TMEFF1: variants seen among roughly 807,000 people sequenced by gnomAD.
The protein encoded by TMEFF1 is tomoregulin-1.
A neutral mutation model predicts 47.5 loss-of-function variants in TMEFF1; 20 were observed. That is an observed-to-expected ratio of 0.42 (90% confidence interval 0.30 to 0.61). The LOEUF (loss-of-function observed/expected upper bound fraction) is 0.61. Ranked by LOEUF, TMEFF1 falls within the 20% of genes least tolerant of loss-of-function variation. The pLI, the probability that TMEFF1 is intolerant of heterozygous loss-of-function variation, is 0.19. For synonymous variants in TMEFF1, 162 were observed against 166.3 expected, an observed-to-expected ratio of 0.97 and a Z score of 0.20; for missense variants, 411 against 471.1, an observed-to-expected ratio of 0.87 and a Z score of 1.18.
chr9:100,476,063 T>C (rs73655578), intron 1 of TMEFF1, among the ~76,000 whole-genome samples: 81 of 152,290 alleles, frequency 5.3e-4, no homozygotes, highest in African/African-American at 1.9e-3. Flanking sequence ...TAGTAATATC[T>C]GAGTCTTCTT....
At chr9:100,539,776 T>C (rs1838592342) in intron 5 of TMEFF1, among the ~76,000 whole-genome samples, 1 of 152,146 alleles carries the variant, frequency 6.6e-6, no homozygotes, top group African/African-American at 2.4e-5. Flanking sequence ...TTTATTCCCT[T>C]ATCTGACCCC....
intron 7 of TMEFF1, 103 bp downstream of exon 7, chr9:100,550,263 T>C (rs1257462321): frequency 8.6e-7 from 1 of 1,157,106 alleles, no homozygotes; most frequent in Non-Finnish European, 1.2e-6. Flanking sequence ...CTAACTTTGC[T>C]CTCTATAGTA....
intron 5 of TMEFF1, among the ~76,000 whole-genome samples, chr9:100,543,704 A>AAAAC (rs1038685574): frequency 6.8e-4 from 94 of 138,934 alleles, no homozygotes; most frequent in Middle Eastern, 3.6e-3. Context: ...GATGAAGTAA[A>AAAAC]ACACACACAC....
At chr9:100,542,394 A>T (rs1452761721) in intron 5 of TMEFF1, among the ~76,000 whole-genome samples, 1 of 152,166 alleles carries the variant, frequency 6.6e-6, no homozygotes, top group East Asian at 1.9e-4. Context: ...TCGTATTTGC[A>T]TCTCAGACTT....
intron 5 of TMEFF1, among the ~76,000 whole-genome samples, chr9:100,544,087 G>GATATATATATAT (rs35750255): frequency 8.2e-5 from 12 of 147,226 alleles, no homozygotes; most frequent in African/African-American, 2.7e-4. Flanking sequence ...CCTTCATGCT[G>GATATATATATAT]ATATATATAT....
At chr9:100,560,175 C>T (rs1180813412) in intron 7 of TMEFF1, among the ~76,000 whole-genome samples, 2 of 151,914 alleles carry the variant, frequency 1.3e-5, no homozygotes, top group African/African-American at 4.8e-5. Context: ...GGGAGATAGG[C>T]CCTGTGATGT....
At chr9:100,550,220 C>G (rs1838807542) in intron 7 of TMEFF1, 60 bp downstream of exon 7, 1 of 1,542,068 alleles carries the variant, frequency 6.5e-7, no homozygotes, top group Admixed American at 1.9e-5. Context: ...ACTAGCTGTC[C>G]TTATTAGTTC....
chr9:100,515,765 G>A (rs1838058333), intron 4 of TMEFF1, among the ~76,000 whole-genome samples: 1 of 151,860 alleles, frequency 6.6e-6, no homozygotes, highest in African/African-American at 2.4e-5. Context: ...GGCTGAGATT[G>A]CGCCACTGCA....
intron 5 of TMEFF1, 99 bp from the exon 6 acceptor site, chr9:100,547,645 G>A: frequency 7.7e-7 from 1 of 1,306,468 alleles, no homozygotes; most frequent in Non-Finnish European, 9.9e-7. Flanking sequence ...ATTGACTTCT[G>A]TTACAGAAAG....
chr9:100,521,446 A>G (rs949581890), intron 5 of TMEFF1, among the ~76,000 whole-genome samples: 3 of 152,230 alleles, frequency 2.0e-5, no homozygotes, highest in Admixed American at 6.5e-5. Context: ...CACTGTGACC[A>G]CTGTGAAACA....
At position 100,516,758 on chromosome 9, in the gene TMEFF1, G is replaced by T; in HGVS notation, c.547G>T (p.Ala183Ser). The T allele has an allele frequency of 6.2e-7, 1 of 1,613,078 alleles. No individual in the cohort carries two copies. Among genetic ancestry groups the T allele is most frequent in the Non-Finnish European group, 8.5e-7 (1 of 1,179,712 alleles). ...CKYKAECDEDAENVGCVCNID... is the reference protein window; with the variant it reads ...CKYKAECDEDSENVGCVCNID... ...ATATAAAGCTGAGTGTGATGAAGAT[G>T]CAGAAAATGTTGGGTGAGTTGGTTG... The change falls in exon 5 of 10, where the codon GCA (alanine) becomes TCA (serine). Residue 183 changes from alanine to serine, a missense_variant. Ala to Ser is a moderately conservative substitution (Grantham distance 99). Transcript: ENST00000374879.
intron 1 of TMEFF1, among the ~76,000 whole-genome samples, chr9:100,492,820 A>G (rs1330810904): frequency 1.3e-5 from 2 of 152,068 alleles, no homozygotes; most frequent in Non-Finnish European, 2.9e-5. Flanking sequence ...AAGAGTTGCT[A>G]TAGGAAGAAG....
chr9:100,509,192 AG>A, intron 3 of TMEFF1, 58 bp downstream of exon 3: 1 of 1,421,466 alleles, frequency 7.0e-7, no homozygotes, highest in Non-Finnish European at 9.2e-7. Flanking sequence ...CATTTCTAAA[AG>A]GGGGTTTTGA....
chr9:100,542,585 A>G (rs147725604), intron 5 of TMEFF1, among the ~76,000 whole-genome samples: 93 of 152,348 alleles, frequency 6.1e-4, no homozygotes, highest in Non-Finnish European at 1.2e-3. Context: ...TTTCACTTTT[A>G]GCTATAAACA....
chr9:100,480,704 AAAAG>A (rs1048025058), intron 1 of TMEFF1, among the ~76,000 whole-genome samples: 4 of 152,202 alleles, frequency 2.6e-5, no homozygotes, highest in African/African-American at 9.7e-5. Context: ...ACACTCAAAA[AAAAG>A]GTCTTGGTGC....
Position 100,542,044 on chromosome 9 carries a change from A to T in TMEFF1, c.561-5700A>T, listed in dbSNP as rs7858386. Among the ~76,000 whole-genome samples the T allele has an allele frequency of 6.7e-3, 1,025 of 152,140 alleles. 7 individuals are homozygous for T. The highest frequency in any genetic ancestry group is 0.024 in the African/African-American group (998 of 41,524). ...TGTGGTCAACTTAAATATATTGTGA[A>T]TACTGATATTTTTTTTCTTATTTTA... On this transcript the variant is annotated intron_variant, in intron 5 of 9. Transcript: ENST00000374879.
At chr9:100,477,638 T>C (rs534740940) in intron 1 of TMEFF1, among the ~76,000 whole-genome samples, 190 of 146,398 alleles carry the variant, frequency 1.3e-3, no homozygotes, top group African/African-American at 4.7e-3. Context: ...TTTTTTTTTT[T>C]TTTTTGAGAT....
chr9:100,488,607 T>C (rs1837493856), intron 1 of TMEFF1, among the ~76,000 whole-genome samples: 1 of 152,212 alleles, frequency 6.6e-6, no homozygotes, highest in Admixed American at 6.5e-5. Context: ...AGAGTACTTA[T>C]TATGTGTATT....
At chr9:100,560,048 C>T (rs16919195) in intron 7 of TMEFF1, among the ~76,000 whole-genome samples, 1 of 152,056 alleles carries the variant, frequency 6.6e-6, no homozygotes, top group South Asian at 2.1e-4. Flanking sequence ...TCACTTCTCC[C>T]TTGATCTTCC....
Sources: gnomAD v4.1 joint callset for allele counts (sites outside exome capture counted in the v4.1 genomes callset) on GRCh38, gnomAD v4.1.1 for gene constraint, MANE v1.5 for transcripts, NCBI Gene and HGNC (gene_info 2026-07-23, HGNC 2026-07-21) for gene names.